The following EHD1 variants were observed in gnomAD, a reference collection of about 807,000 sequenced individuals.
EHD1 encodes the protein EH domain-containing protein 1.
A neutral mutation model predicts 39.0 loss-of-function variants in EHD1; 19 were observed. The observed-to-expected ratio is 0.49, with a 90% CI of 0.34 to 0.72. The LOEUF (loss-of-function observed/expected upper bound fraction) is 0.72. Ranked by LOEUF, EHD1 falls within the 30% of genes least tolerant of loss-of-function variation. The pLI is 0.01. For missense variants in EHD1, 542 were observed against 751.5 expected, an observed-to-expected ratio of 0.72 and a Z score of 3.26; for synonymous variants, 323 against 331.2, an observed-to-expected ratio of 0.98 and a Z score of 0.27.
At chr11:64,876,645 C>T (rs183509482) in intron 1 of EHD1, among the ~76,000 whole-genome samples, 6 of 152,352 alleles carry the variant, frequency 3.9e-5, no homozygotes, top group East Asian at 1.9e-4. Context: ...CTCTGAACCT[C>T]GGTTTCCTGA....
chr11:64,873,029 T>C (rs1054974304), intron 2 of EHD1, among the ~76,000 whole-genome samples: 1 of 152,172 alleles, frequency 6.6e-6, no homozygotes, highest in Non-Finnish European at 1.5e-5. Flanking sequence ...ACTCCACTCC[T>C]CACCTGCCAG....
chr11:64,861,410 A>C (rs1943715220), intron 2 of EHD1, among the ~76,000 whole-genome samples: 1 of 152,192 alleles, frequency 6.6e-6, no homozygotes, highest in South Asian at 2.1e-4. Flanking sequence ...CACAGCACAG[A>C]GGGTAGAACA....
chr11:64,876,217 G>C (rs1015935124), intron 1 of EHD1, among the ~76,000 whole-genome samples: 5 of 152,202 alleles, frequency 3.3e-5, no homozygotes, highest in Admixed American at 6.5e-5. Flanking sequence ...AGCCACATAG[G>C]GGGAGAAGGC....
chr11:64,875,087 G>A (rs1359606075), intron 1 of EHD1, among the ~76,000 whole-genome samples: 1 of 152,232 alleles, frequency 6.6e-6, no homozygotes, highest in Non-Finnish European at 1.5e-5. Context: ...CTGAAAGTCC[G>A]AGCAGGCTGA....
rs375558320 is a variant in EHD1, at chr11:64,868,957, G to A, written c.502+5464C>T. Among the ~76,000 whole-genome samples the A allele has an allele frequency of 3.4e-4, 52 of 152,310 alleles. No homozygotes were observed. Among genetic ancestry groups the A allele is most frequent in the African/African-American group, 1.2e-3 (48 of 41,570 alleles). On this transcript the variant is annotated intron_variant, in intron 2 of 4. Transcript: ENST00000320631. The surrounding 1 kb of genome is among the most constrained non-coding windows in gnomAD (Gnocchi z 4.2). ...TTCCCAGCTTCTCAGTCTGTAACAC[G>A]AAGATAGTAGGTTTCCAGCTTGGAG...
chr11:64,860,806 G>T (rs1477854867), intron 2 of EHD1, among the ~76,000 whole-genome samples: 1 of 151,862 alleles, frequency 6.6e-6, no homozygotes, highest in Non-Finnish European at 1.5e-5. Context: ...TGGATCACAA[G>T]GTCAGGAGTT....
intron 3 of EHD1, among the ~76,000 whole-genome samples, chr11:64,858,026 CTTTT>C (rs11327531): frequency 1.4e-4 from 17 of 121,814 alleles, no homozygotes; most frequent in Admixed American, 8.2e-4. Context: ...CGGCAAGGGC[CTTTT>C]TTTTTTTTTT....
chr11:64,878,390 C>T lies in EHD1; in HGVS notation c.75G>A (p.Leu25=). Residue 25 remains leucine, a synonymous_variant, in exon 1 of 5, where the codon CTG becomes CTA. Transcript: ENST00000320631. The stretch of plus-strand genomic sequence containing the variant: ...GCAGCTTCTGCGCGTACAGCTGCCG[C>T]AGCCCCTCAGCCACCGTCTGGAAGA... The part of the protein sequence containing the change: ...PELFQTVAEG[L]RQLYAQKLLP... The T allele has an allele frequency of 6.2e-7, 1 of 1,613,970 alleles. No individual in the cohort carries two copies. Among genetic ancestry groups the T allele is most frequent in the Non-Finnish European group, 8.5e-7 (1 of 1,180,024 alleles).
chr11:64,869,118 A>C (rs1462203295), intron 2 of EHD1, among the ~76,000 whole-genome samples: 1 of 152,254 alleles, frequency 6.6e-6, no homozygotes, highest in African/African-American at 2.4e-5. Context: ...CTTCAAATGC[A>C]TGAAGAATGC....
rs1943583605 is a variant in EHD1, at chr11:64,851,707, T to G, written c.*2626A>C. ...CCTGAGTACAGCTGCAGTCTAAGGG[T>G]GGGGTTGGGGGGATCTACCGTTTTT... On this transcript the variant is annotated 3_prime_UTR_variant, in exon 5 of 5. Coordinates refer to ENST00000320631, the MANE Select transcript of EHD1 (RefSeq NM_006795.4). The G allele has an allele frequency of 6.6e-6, 1 of 151,966 alleles. No homozygotes were observed. The highest frequency in any genetic ancestry group is 1.5e-5 in the Non-Finnish European group (1 of 67,992). The allele number at this position is 151,966 out of a possible 1,614,324, so 9.4% of individuals were successfully genotyped here.
At chr11:64,876,912 C>A (rs1200234350) in intron 1 of EHD1, among the ~76,000 whole-genome samples, 3 of 152,176 alleles carry the variant, frequency 2.0e-5, no homozygotes, top group Non-Finnish European at 2.9e-5. Context: ...GTGAACAGAC[C>A]CTGCTGAAGG....
At chr11:64,871,469 C>T (rs894355952) in intron 2 of EHD1, among the ~76,000 whole-genome samples, 5 of 152,210 alleles carry the variant, frequency 3.3e-5, no homozygotes, top group Non-Finnish European at 7.3e-5. Flanking sequence ...CCAGCACCTC[C>T]AAGAGGTACT....
intron 4 of EHD1, 143 bp from the exon 5 acceptor site, chr11:64,855,000 C>G: frequency 9.1e-7 from 1 of 1,096,598 alleles, no homozygotes; most frequent in Non-Finnish European, 1.3e-6. Context: ...CCATCTGGCC[C>G]TTGGCTCTCT....
At position 64,868,374 on chromosome 11, in the gene EHD1, C is replaced by T. The variant is rs149044256; in HGVS notation, c.502+6047G>A. ...TTTACCTGAGAGCAGCAGCAGCACA[C>T]GCCCACACGAACCACGTACTTGACT... On this transcript the variant is annotated intron_variant, in intron 2 of 4. Coordinates refer to ENST00000320631, the MANE Select transcript of EHD1 (RefSeq NM_006795.4). The surrounding 1 kb of genome is among the most constrained non-coding windows in gnomAD (Gnocchi z 4.2). 4.3e-3 allele frequency among the ~76,000 whole-genome samples: 649 copies of T among 152,254 alleles called. 3 individuals are homozygous for T. Among genetic ancestry groups the T allele is most frequent in the African/African-American group, 0.015 (620 of 41,526 alleles).
chr11:64,864,563 G>C (rs1315144887), intron 2 of EHD1, among the ~76,000 whole-genome samples: 1 of 152,150 alleles, frequency 6.6e-6, no homozygotes, highest in Non-Finnish European at 1.5e-5. Context: ...GCCTGCCTGG[G>C]GCCCGCAGCC....
Position 64,863,273 on chromosome 11 carries a change from C to T in EHD1, c.503-2937G>A, listed in dbSNP as rs1175999987. ...CTCCTGGCATCTCCATGAAAAACACCACCCTCTTGCCAAGCTGGGGATGGA... is the reference window on the plus strand; with the variant it reads ...CTCCTGGCATCTCCATGAAAAACACTACCCTCTTGCCAAGCTGGGGATGGA... On this transcript the variant is annotated intron_variant, in intron 2 of 4. Coordinates refer to ENST00000320631, the MANE Select transcript of EHD1 (RefSeq NM_006795.4). Among the ~76,000 whole-genome samples, 5 of 152,252 alleles carry T rather than the reference C, an allele frequency of 3.3e-5. No individual in the cohort carries two copies. In the East Asian group the frequency reaches 9.6e-4, roughly 29 times the overall value.
At position 64,868,420 on chromosome 11, in the gene EHD1, C is replaced by A. The variant is rs1943791739; in HGVS notation, c.502+6001G>T. Among the ~76,000 whole-genome samples the A allele has an allele frequency of 6.6e-6, 1 of 151,514 alleles. No individual in the cohort carries two copies. On this transcript the variant is annotated intron_variant, in intron 2 of 4. Transcript: ENST00000320631. The surrounding 1 kb of genome is among the most constrained non-coding windows in gnomAD (Gnocchi z 4.2). The stretch of plus-strand genomic sequence containing the variant: ...TGACTCAAAACTGCCCCGGGTGGAA[C>A]AACCCAAGCGCCCCAACAGGTGAAT...
At chr11:64,874,165 G>A (rs1219260319) in intron 2 of EHD1, among the ~76,000 whole-genome samples, 3 of 151,504 alleles carry the variant, frequency 2.0e-5, no homozygotes, top group Admixed American at 6.6e-5. Context: ...TTAGCCGGGC[G>A]TGGTGGCACA....
Position 64,854,716 on chromosome 11 carries a change from C to G in EHD1, c.1222G>C (p.Val408Leu), listed in dbSNP as rs1051657504. 1.2e-6 allele frequency: 2 copies of G among 1,612,994 alleles called. No homozygotes were observed. The highest frequency in any genetic ancestry group is 2.2e-5 in the South Asian group (2 of 91,090). ...CCGTCAAAGGCGCCGCCCTTGACCACCTGGGAAGGCATCAGGGACTCCTCC... is the reference window on the plus strand; with the variant it reads ...CCGTCAAAGGCGCCGCCCTTGACCAGCTGGGAAGGCATCAGGGACTCCTCC... ...RQEESLMPSQ[V>L]VKGGAFDGTM... Residue 408 changes from valine to leucine, a missense_variant, in exon 5 of 5, where the codon GTG (valine) becomes CTG (leucine). Val to Leu is a conservative substitution (Grantham distance 32, BLOSUM62 1). Coordinates refer to ENST00000320631, the MANE Select transcript of EHD1 (RefSeq NM_006795.4).
Sources: allele counts gnomAD v4.1 joint callset (sites outside exome capture counted in the v4.1 genomes callset), GRCh38; gene constraint gnomAD v4.1.1; non-coding constraint Gnocchi (gnomAD v3.1); transcripts MANE v1.5; gene names NCBI Gene and HGNC (gene_info 2026-07-23, HGNC 2026-07-21).